The following STEAP4 variants were observed in gnomAD, a reference collection of about 807,000 sequenced individuals.
The protein encoded by STEAP4 is STEAP4 metalloreductase.
Under a neutral mutation model 43.6 loss-of-function variants are expected in STEAP4, and 36 were observed. That is an observed-to-expected ratio of 0.83 (90% confidence interval 0.63 to 1.09). STEAP4 has a LOEUF of 1.09. Among genes scored for constraint, STEAP4 ranks in the 50% least tolerant of loss-of-function variants. The probability of loss-of-function intolerance (pLI) is 0.00; values close to 1 mark genes in which losing one functional copy is unlikely to be tolerated. For missense variants in STEAP4, 495 were observed against 546.5 expected, an observed-to-expected ratio of 0.91 and a Z score of 0.94; for synonymous variants, 191 against 196.7, an observed-to-expected ratio of 0.97 and a Z score of 0.24.
At chr7:88,305,926 A>G (rs1034070860) in intron 1 of STEAP4, among the ~76,000 whole-genome samples, 10 of 152,064 alleles carry the variant, frequency 6.6e-5, no homozygotes, top group Non-Finnish European at 1.5e-4. Context: ...TCTCTATCCA[A>G]TTCACTTTCT....
intron 1 of STEAP4, chr7:88,290,537 A>T (rs1259300268): frequency 6.6e-6 from 1 of 152,182 alleles, no homozygotes; most frequent in East Asian, 1.9e-4. Context: ...GTATCGAGGG[A>T]ATTTAGAAGT....
In STEAP4 at chr7:88,274,472, G is replaced by C. The variant is rs567081747; in HGVS notation, c.*4926C>G. 2 of 152,074 alleles carry C rather than the reference G, an allele frequency of 1.3e-5. No homozygotes were observed. Among genetic ancestry groups the C allele is most frequent in the East Asian group, 1.9e-4 (1 of 5,178 alleles). 9.4% of individuals were successfully genotyped at this position (152,074 alleles called of 1,614,324 possible). A position where few individuals can be genotyped will look rare whatever the true frequency, so the allele number is the denominator to read the frequency against. On this transcript the variant is annotated 3_prime_UTR_variant, in exon 5 of 5. Coordinates refer to ENST00000380079, the MANE Select transcript of STEAP4 (RefSeq NM_024636.4). ...CACCTCCCTCATATGGGTCTTATCC[G>C]AAACTTTAGGACTTTGCCTCGAGCT... is the stretch of plus-strand genomic sequence containing the variant.
intron 4 of STEAP4, 86 bp downstream of exon 4, chr7:88,280,829 C>T (rs950867832): frequency 1.5e-6 from 2 of 1,370,326 alleles, no homozygotes; most frequent in Non-Finnish European, 2.0e-6. Context: ...CTGGGTTCAA[C>T]ATTTTCTAAT....
In STEAP4 at chr7:88,279,521, G is replaced by C; in HGVS notation, c.1257C>G (p.Ala419=). The stretch of plus-strand genomic sequence containing the variant: ...AAGGAATGATAAGCCCTAACACGTA[G>C]GCTGCAGGAAGATACCATCTGAGAT... ...PSNLRWYLPA[A]YVLGLIIPCT... Residue 419 remains alanine (A), a synonymous_variant, in exon 5 of 5, where the codon GCC becomes GCG. Transcript: ENST00000380079. 1 of 1,614,136 alleles carries C rather than the reference G, an allele frequency of 6.2e-7. No homozygotes were observed. Among genetic ancestry groups the C allele is most frequent in the South Asian group, 1.1e-5 (1 of 91,084 alleles).
intron 3 of STEAP4, among the ~76,000 whole-genome samples, chr7:88,281,292 AGGAGTT>A (rs1316093493): frequency 6.6e-6 from 1 of 152,210 alleles, no homozygotes; most frequent in Non-Finnish European, 1.5e-5. Flanking sequence ...ACTTGATTCT[AGGAGTT>A]GTGTAGAAAG....
intron 1 of STEAP4, chr7:88,293,087 C>T (rs781544343): frequency 6.6e-6 from 1 of 152,174 alleles, no homozygotes; most frequent in Non-Finnish European, 1.5e-5. Flanking sequence ...TAAGACTTGG[C>T]TATACTGACT....
At chr7:88,288,435 C>G (rs1462122891) in intron 1 of STEAP4, among the ~76,000 whole-genome samples, 1 of 152,042 alleles carries the variant, frequency 6.6e-6, no homozygotes, top group African/African-American at 2.4e-5. Flanking sequence ...CTCCCAAAGT[C>G]CTGGGATTAC....
At chr7:88,279,728 T>C in intron 4 of STEAP4, 100 bp from the exon 5 acceptor site, 1 of 979,170 alleles carries the variant, frequency 1.0e-6, no homozygotes, top group Non-Finnish European at 1.5e-6. Flanking sequence ...CCACAAACAT[T>C]TGAGACCTAT....
At chr7:88,305,730 T>C (rs1853118465) in intron 1 of STEAP4, among the ~76,000 whole-genome samples, 2 of 152,110 alleles carry the variant, frequency 1.3e-5, no homozygotes, top group African/African-American at 2.4e-5. Context: ...ATTAAGGAGA[T>C]TTTCTATGTA....
At chr7:88,294,189 A>T (rs1257186967) in intron 1 of STEAP4, among the ~76,000 whole-genome samples, 1 of 152,104 alleles carries the variant, frequency 6.6e-6, no homozygotes, top group Non-Finnish European at 1.5e-5. Flanking sequence ...ACATGATACC[A>T]CCATTGGATA....
chr7:88,296,374 C>T (rs1325572697), intron 1 of STEAP4, among the ~76,000 whole-genome samples: 1 of 152,176 alleles, frequency 6.6e-6, no homozygotes, highest in Non-Finnish European at 1.5e-5. Context: ...AATCAGAGAT[C>T]TGGCTTGGCA....
chr7:88,280,864 G>T, intron 4 of STEAP4, 51 bp downstream of exon 4: 1 of 1,457,292 alleles, frequency 6.9e-7, no homozygotes, highest in South Asian at 1.4e-5. Context: ...ATGATTGCTA[G>T]GGAAGTGATG....
intron 2 of STEAP4, chr7:88,283,564 G>C (rs1477114383): frequency 1.8e-6 from 1 of 558,188 alleles, no homozygotes; most frequent in East Asian, 3.1e-5. Flanking sequence ...TTCTAGTACT[G>C]ACAAGAAGCC....
chr7:88,279,095 A>G lies in STEAP4; in HGVS notation c.*303T>C, dbSNP rs1288503449. ...AGACATTAGGTCATGCATGTTGCCC[A>G]TAACAAGGAAACTCTTTAGTGTGAA... On this transcript the variant is annotated 3_prime_UTR_variant, in exon 5 of 5. Transcript: ENST00000380079. The G allele has an allele frequency of 1.9e-5, 7 of 368,848 alleles. No individual in the cohort carries two copies. The highest frequency in any genetic ancestry group is 3.6e-5 in the Non-Finnish European group (7 of 196,934). 22.8% of individuals were successfully genotyped at this position (368,848 alleles called of 1,614,324 possible).
At chr7:88,291,527 C>T (rs866832469) in intron 1 of STEAP4, among the ~76,000 whole-genome samples, 23 of 137,030 alleles carry the variant, frequency 1.7e-4, no homozygotes, top group Middle Eastern at 3.9e-3. Context: ...TAGATATATG[C>T]ACACTCTCAA....
In STEAP4 at chr7:88,273,655, G is replaced by A. The variant is rs965308026; in HGVS notation, c.*5743C>T. ...CAAAGCAATAAGGTGAGAAACCAGG[G>A]AAAAAGAAAATATTTGCCTTTAAGC... is the stretch of plus-strand genomic sequence containing the variant. On this transcript the variant is annotated 3_prime_UTR_variant, in exon 5 of 5. Coordinates refer to ENST00000380079, the MANE Select transcript of STEAP4 (RefSeq NM_024636.4). The A allele has an allele frequency of 2.6e-5, 4 of 152,128 alleles. No homozygotes were observed. Among genetic ancestry groups the A allele is most frequent in the African/African-American group, 9.7e-5 (4 of 41,424 alleles). 9.4% of individuals were successfully genotyped at this position (152,128 alleles called of 1,614,324 possible).
intron 1 of STEAP4, among the ~76,000 whole-genome samples, chr7:88,300,850 G>A (rs1047084187): frequency 2.6e-5 from 4 of 151,646 alleles, no homozygotes; most frequent in East Asian, 3.9e-4. Context: ...ATTTTCTTAT[G>A]GCCTCACCTT....
rs1169489168 is a variant in STEAP4, at chr7:88,275,781, T to C, written c.*3617A>G. 1 of 152,130 alleles carries C rather than the reference T, an allele frequency of 6.6e-6. No individual in the cohort carries two copies. 9.4% of individuals were successfully genotyped at this position (152,130 alleles called of 1,614,324 possible). A position where few individuals can be genotyped will look rare whatever the true frequency, so the allele number is the denominator to read the frequency against. On this transcript the variant is annotated 3_prime_UTR_variant, in exon 5 of 5. Transcript: ENST00000380079. ...ATGCTCTCAGAGGTGAAATGCATAA[T>C]ATGCATTTATCATTATCATGGCTCT...
At chr7:88,295,042 A>G (rs923855043) in intron 1 of STEAP4, among the ~76,000 whole-genome samples, 3 of 152,194 alleles carry the variant, frequency 2.0e-5, no homozygotes, top group African/African-American at 4.8e-5. Flanking sequence ...GTTTTATATG[A>G]AAATTTTGGA....
Sources: gnomAD v4.1 joint callset for allele counts (sites outside exome capture counted in the v4.1 genomes callset) on GRCh38, gnomAD v4.1.1 for gene constraint, MANE v1.5 for transcripts, NCBI Gene and HGNC (gene_info 2026-07-23, HGNC 2026-07-21) for gene names.